Variants in SPATA6L observed in about 807,000 individuals in gnomAD.
The protein encoded by SPATA6L is spermatogenesis associated 6-like protein.
Under a neutral mutation model 49.2 loss-of-function variants are expected in SPATA6L, and 68 were observed. That is an observed-to-expected ratio of 1.38 (90% CI 1.14 to 1.69). The LOEUF is 1.69. Ranked by LOEUF, SPATA6L falls within the 40% of genes most tolerant of loss-of-function variation. The probability of loss-of-function intolerance (pLI) is 0.00; values close to 1 mark genes in which losing one functional copy is unlikely to be tolerated. For synonymous variants in SPATA6L, 198 were observed against 165.7 expected, an observed-to-expected ratio of 1.19 and a Z score of -1.50; for missense variants, 668 against 464.3, an observed-to-expected ratio of 1.44 and a Z score of -4.03.
chr9:4,662,822 C>A lies in SPATA6L; in HGVS notation c.40-786G>T, dbSNP rs1021563901. 3 of 1,605,110 alleles carry A rather than the reference C, an allele frequency of 1.9e-6. No individual in the cohort carries two copies. In the South Asian group the frequency reaches 3.3e-5, roughly 18 times the overall value. ...GACACGGCATCCCCTGGCTGCTGGG[C>A]ACCCTCTACTGCCTGTGCAGGAGCG... On this transcript the variant is annotated intron_variant, in intron 1 of 11. Transcript: ENST00000682582. This position sits in a 1 kb window ranked among gnomAD's most constrained non-coding sequence, Gnocchi z 4.9.
At chr9:4,644,987 C>G (rs182673182) in intron 3 of SPATA6L, among the ~76,000 whole-genome samples, 13 of 152,268 alleles carry the variant, frequency 8.5e-5, no homozygotes, top group Admixed American at 8.5e-4. Flanking sequence ...ATTTACTCAC[C>G]TCTGTCATTG....
chr9:4,650,424 A>C (rs1446101045), intron 3 of SPATA6L, among the ~76,000 whole-genome samples: 1 of 152,216 alleles, frequency 6.6e-6, no homozygotes, highest in Non-Finnish European at 1.5e-5. Flanking sequence ...CAAAAGGGCA[A>C]ACTAAACCTA....
At chr9:4,605,164 A>AG (rs1824433048) in intron 10 of SPATA6L, among the ~76,000 whole-genome samples, 183 bp downstream of exon 10, 2 of 152,130 alleles carry the variant, frequency 1.3e-5, no homozygotes, top group Admixed American at 1.3e-4. Flanking sequence ...CCTGACTCCC[A>AG]GCCATGTCAA....
chr9:4,610,197 A>G (rs1421428581), intron 9 of SPATA6L, among the ~76,000 whole-genome samples: 2 of 151,828 alleles, frequency 1.3e-5, no homozygotes, highest in Non-Finnish European at 2.9e-5. Context: ...GGAAGACTCA[A>G]TATCGTGAAA....
intron 9 of SPATA6L, among the ~76,000 whole-genome samples, chr9:4,607,898 C>A (rs1277401760): frequency 6.6e-6 from 1 of 150,800 alleles, no homozygotes; most frequent in East Asian, 1.9e-4. Context: ...TTCAGGAAAC[C>A]CATCTCACGT....
At chr9:4,601,376 T>TC (rs199684378) in intron 11 of SPATA6L, among the ~76,000 whole-genome samples, 1 of 151,296 alleles carries the variant, frequency 6.6e-6, no homozygotes, top group Non-Finnish European at 1.5e-5. Context: ...AGGTTTTTTT[T>TC]TTTGTTTGGT....
At chr9:4,661,387 C>T (rs1839692991) in intron 2 of SPATA6L, among the ~76,000 whole-genome samples, 2 of 152,124 alleles carry the variant, frequency 1.3e-5, no homozygotes, top group African/African-American at 4.8e-5. Flanking sequence ...TGTTATTCAC[C>T]AGAATGGAAT....
Position 4,662,950 on chromosome 9 carries a change from C to G in SPATA6L, c.40-914G>C, listed in dbSNP as rs776508141. ...AAAGGGCTGGTCCGCAGGCGCCGCCCGGCCCACAACCAGATGGACATGTTT... is the reference window on the plus strand; with the variant it reads ...AAAGGGCTGGTCCGCAGGCGCCGCCGGGCCCACAACCAGATGGACATGTTT... On this transcript the variant is annotated intron_variant, in intron 1 of 11. Coordinates refer to ENST00000682582, the MANE Select transcript of SPATA6L (RefSeq NM_001353486.2). The surrounding 1 kb of genome is among the most constrained non-coding windows in gnomAD (Gnocchi z 4.9). 3.1e-6 allele frequency: 5 copies of G among 1,612,164 alleles called. No homozygotes were observed. The highest frequency in any genetic ancestry group is 4.2e-6 in the Non-Finnish European group (5 of 1,179,920).
chr9:4,631,139 G>A (rs898292216), intron 4 of SPATA6L, among the ~76,000 whole-genome samples: 4 of 152,150 alleles, frequency 2.6e-5, no homozygotes, highest in Admixed American at 1.3e-4. Flanking sequence ...CAATAAAGAA[G>A]AATGTATTTT....
intron 3 of SPATA6L, among the ~76,000 whole-genome samples, chr9:4,655,650 G>A (rs972781678): frequency 2.0e-5 from 3 of 151,882 alleles, no homozygotes; most frequent in African/African-American, 7.3e-5. Context: ...CCAGGTTTAA[G>A]CGATTCTCCT....
chr9:4,589,412 C>A (rs1307800973), intron 13 of SPATA6L, among the ~76,000 whole-genome samples: 1 of 152,206 alleles, frequency 6.6e-6, no homozygotes, highest in East Asian at 1.9e-4. Context: ...AGGAATGAAG[C>A]TCCTACCACG....
rs781452376 is a variant in SPATA6L, at chr9:4,602,571, T to C, written c.*1+1608A>G. On this transcript the variant is annotated intron_variant, in intron 11 of 11. Coordinates refer to ENST00000682582, the MANE Select transcript of SPATA6L (RefSeq NM_001353486.2). The stretch of plus-strand genomic sequence containing the variant: ...TAGCAGGTCATCCCACACTCCTTTA[T>C]TGTTTAGAAAGACGCATAATTATTC... 4.6e-5 allele frequency among the ~76,000 whole-genome samples: 7 copies of C among 152,298 alleles called. No individual in the cohort carries two copies. In the East Asian group the frequency reaches 1.2e-3, roughly 25 times the overall value.
intron 2 of SPATA6L, among the ~76,000 whole-genome samples, chr9:4,660,086 A>T (rs558717558): frequency 1.3e-5 from 2 of 152,268 alleles, no homozygotes; most frequent in Non-Finnish European, 2.9e-5. Context: ...CCTAGAAGAA[A>T]ACCTAAGCAA....
At chr9:4,635,045 A>T (rs1832503755) in intron 4 of SPATA6L, among the ~76,000 whole-genome samples, 3 of 152,212 alleles carry the variant, frequency 2.0e-5, no homozygotes, top group Non-Finnish European at 4.4e-5. Context: ...ACTATGTGAC[A>T]ATGTAAATAT....
intron 2 of SPATA6L, among the ~76,000 whole-genome samples, chr9:4,659,253 G>A (rs114715045): frequency 6.5e-4 from 99 of 152,278 alleles, no homozygotes; most frequent in African/African-American, 2.3e-3. Flanking sequence ...CATCTCCACT[G>A]TCAACCTCAG....
intron 13 of SPATA6L, among the ~76,000 whole-genome samples, chr9:4,592,510 C>G (rs1168293278): frequency 1.3e-5 from 2 of 152,086 alleles, no homozygotes; most frequent in African/African-American, 4.8e-5. Context: ...AAACATTAAG[C>G]AACTTCCCCA....
At chr9:4,661,765 C>CTTCAAGGCCGACTGCGGTTTTGT in intron 2 of SPATA6L, 134 bp downstream of exon 2, 4 of 1,219,084 alleles carry the variant, frequency 3.3e-6, no homozygotes, top group Non-Finnish European at 3.3e-6. Flanking sequence ...TGCGGTTTTG[C>CTTCAAGGCCGACTGCGGTTTTGT]ATTGTGCTGA....
At position 4,657,128 on chromosome 9, in the gene SPATA6L, C is replaced by A. The variant is rs186101394; in HGVS notation, c.178-1039G>T. ...TACACCCTGTCTTTCCCCCTAAGCT[C>A]TAGGCCCTAAGAAAAACAAAACATT... On this transcript the variant is annotated intron_variant, in intron 2 of 11. Coordinates refer to ENST00000682582, the MANE Select transcript of SPATA6L (RefSeq NM_001353486.2). Among the ~76,000 whole-genome samples the A allele has an allele frequency of 5.9e-5, 9 of 152,258 alleles. No individual in the cohort carries two copies. In the East Asian group the frequency reaches 1.7e-3, roughly 29 times the overall value.
chr9:4,615,385 C>T (rs545201437), intron 9 of SPATA6L, among the ~76,000 whole-genome samples: 8 of 152,146 alleles, frequency 5.3e-5, no homozygotes, highest in East Asian at 3.9e-4. Context: ...TCCTGCTTTC[C>T]GTCTTAACCA....
Sources: allele counts gnomAD v4.1 joint callset (sites outside exome capture counted in the v4.1 genomes callset), GRCh38; gene constraint gnomAD v4.1.1; non-coding constraint Gnocchi (gnomAD v3.1); transcripts MANE v1.5; gene names NCBI Gene and HGNC (gene_info 2026-07-23, HGNC 2026-07-21).